The following APAF1 variants were observed in gnomAD, a reference collection of about 807,000 sequenced individuals.
APAF1 encodes the protein apoptotic protease-activating factor 1.
APAF1 carries 91 observed loss-of-function variants against 152.4 expected under a neutral mutation model. The ratio of observed to expected loss-of-function variants is 0.60; its 90% CI spans 0.50 to 0.71. The LOEUF (loss-of-function observed/expected upper bound fraction) is 0.71. APAF1 is among the 30% of genes least tolerant of loss of function. The probability of loss-of-function intolerance (pLI) is 0.00; values close to 1 mark genes in which losing one functional copy is unlikely to be tolerated. For synonymous variants in APAF1, 484 were observed against 494.1 expected, an observed-to-expected ratio of 0.98 and a Z score of 0.27; for missense variants, 1,283 against 1,472.0, an observed-to-expected ratio of 0.87 and a Z score of 2.10.
chr12:98,713,217 G>C (rs984071439), intron 21 of APAF1, among the ~76,000 whole-genome samples: 1 of 152,158 alleles, frequency 6.6e-6, no homozygotes, highest in East Asian at 1.9e-4. Context: ...ATATTTTTCA[G>C]ATTTCCTTTA....
At chr12:98,700,967 G>T (rs764788511) in intron 17 of APAF1, among the ~76,000 whole-genome samples, 43 of 151,460 alleles carry the variant, frequency 2.8e-4, no homozygotes, top group Admixed American at 3.9e-4. Flanking sequence ...ATATTCCATT[G>T]TATGTATATA....
At chr12:98,688,761 A>C (rs1337490433) in intron 16 of APAF1, among the ~76,000 whole-genome samples, 1 of 150,572 alleles carries the variant, frequency 6.6e-6, no homozygotes, top group Non-Finnish European at 1.5e-5. Flanking sequence ...AGCCTAGCCT[A>C]CCACTCTTTT....
rs368374940 is a variant in APAF1 at position 98,699,419 on chromosome 12, G to A, written c.2316G>A (p.Ala772=). Residue 772 remains alanine (A), a synonymous_variant, in exon 17 of 27, where the codon GCG becomes GCA. Coordinates refer to ENST00000551964, the MANE Select transcript of APAF1 (RefSeq NM_181861.2). ...ACTTTAATTCAAAGCTTTGGGATGC[G>A]ACATCAGCAAATGAGAGGAAAAGCA... is the stretch of plus-strand genomic sequence containing the variant. The part of the protein sequence containing the change: ...SADGTLKLWD[A]TSANERKSIN... 5.6e-6 allele frequency: 9 copies of A among 1,613,820 alleles called. No individual in the cohort carries two copies. The highest frequency in any genetic ancestry group is 1.6e-4 in the Middle Eastern group (1 of 6,084).
At chr12:98,676,022 C>T (rs1031187806) in intron 12 of APAF1, among the ~76,000 whole-genome samples, 1 of 152,124 alleles carries the variant, frequency 6.6e-6, no homozygotes, top group African/African-American at 2.4e-5. Context: ...TGCTCATTTA[C>T]ACACCTAATA....
At chr12:98,672,289 A>G (rs963599713) in intron 12 of APAF1, among the ~76,000 whole-genome samples, 4 of 151,372 alleles carry the variant, frequency 2.6e-5, no homozygotes, top group Non-Finnish European at 4.4e-5. Flanking sequence ...CTCAGCCTCC[A>G]AAGTAGCTGG....
chr12:98,651,342 T>A (rs2153306135), intron 4 of APAF1, among the ~76,000 whole-genome samples: 1 of 152,352 alleles, frequency 6.6e-6, no homozygotes, highest in Non-Finnish European at 1.5e-5. Context: ...TAAATGTCTG[T>A]GTAAAGTGTG....
chr12:98,694,316 A>G (rs6538879), intron 16 of APAF1, among the ~76,000 whole-genome samples: 37,125 of 152,102 alleles, frequency 0.24, 4,882 homozygotes, highest in African/African-American at 0.32. Flanking sequence ...AAAAGAAACT[A>G]TCAACAGAGT....
rs1443745864 is a variant in APAF1 at position 98,715,251 on chromosome 12, T to TG, written c.2959-176_2959-175insG. Among the ~76,000 whole-genome samples the TG allele has an allele frequency of 1.1e-4, 9 of 84,170 alleles. 1 individual carries two copies. Among genetic ancestry groups the TG allele is most frequent in the Admixed American group, 1.1e-3 (9 of 8,494 alleles). 55.2% of individuals were successfully genotyped at this position (84,170 alleles called of 152,430 possible). A position where few individuals can be genotyped will look rare whatever the true frequency, so the allele number is the denominator to read the frequency against. ...CATGGTGTGCATATATATATATATA[T>TG]ATATATATATATATATATATATATA... On this transcript the variant is annotated intron_variant, in intron 21 of 26. Transcript: ENST00000551964.
intron 22 of APAF1, 106 bp downstream of exon 22, chr12:98,715,658 C>T: frequency 7.6e-7 from 1 of 1,319,920 alleles, no homozygotes; most frequent in Non-Finnish European, 1.1e-6. Flanking sequence ...TTACGTTGGG[C>T]ATACATTCAG....
At chr12:98,731,205 TCA>T (rs1421452140) in intron 26 of APAF1, among the ~76,000 whole-genome samples, 1 of 152,238 alleles carries the variant, frequency 6.6e-6, no homozygotes, top group Admixed American at 6.5e-5. Flanking sequence ...CTAACTCATT[TCA>T]CAGATTTCCC....
chr12:98,721,757 G>T (rs2097743219), intron 22 of APAF1, among the ~76,000 whole-genome samples: 1 of 152,186 alleles, frequency 6.6e-6, no homozygotes. Context: ...AGATCTGAAA[G>T]CCAGGGCTTG....
chr12:98,694,914 GC>G (rs1466469601), intron 16 of APAF1, among the ~76,000 whole-genome samples: 2 of 146,604 alleles, frequency 1.4e-5, no homozygotes, highest in Non-Finnish European at 3.0e-5. Context: ...TTGGTGTGTT[GC>G]CCAGGCTGGA....
intron 9 of APAF1, 133 bp from the exon 10 acceptor site, chr12:98,667,380 T>G (rs2097674344): frequency 9.7e-7 from 1 of 1,028,970 alleles, no homozygotes. Context: ...CCTCCCAAAG[T>G]GCTGGGATTA....
chr12:98,683,577 GCT>G lies in APAF1; in HGVS notation c.2178+306_2178+307del, dbSNP rs2097694774. ...ACTTCCTCTGTGTTGGTTCAGGCAT[GCT>G]CTTTCTGTGGCAGAAAATGTGGCTA... On this transcript the variant is annotated intron_variant, in intron 15 of 26. Transcript: ENST00000551964. Among the ~76,000 whole-genome samples the G allele has an allele frequency of 2.0e-5, 3 of 152,166 alleles. No homozygotes were observed. The South Asian group carries it at 6.2e-4, about 32-fold the overall frequency.
At chr12:98,719,247 T>C (rs1042656865) in intron 22 of APAF1, among the ~76,000 whole-genome samples, 3 of 152,232 alleles carry the variant, frequency 2.0e-5, no homozygotes, top group Admixed American at 6.5e-5. Context: ...TTAATACTTA[T>C]ATTCTTAGCC....
At chr12:98,696,778 G>T (rs566075556) in intron 16 of APAF1, among the ~76,000 whole-genome samples, 3 of 152,280 alleles carry the variant, frequency 2.0e-5, no homozygotes, top group Admixed American at 2.0e-4. Context: ...TTACAGACAT[G>T]AGCCACTGCA....
intron 16 of APAF1, among the ~76,000 whole-genome samples, chr12:98,688,233 C>G (rs2097700077): frequency 6.6e-6 from 1 of 152,124 alleles, no homozygotes; most frequent in African/African-American, 2.4e-5. Context: ...CTTTATTATT[C>G]CTGTCTCTAT....
chr12:98,655,798 T>TC (rs1174977460), intron 4 of APAF1, among the ~76,000 whole-genome samples: 1 of 151,394 alleles, frequency 6.6e-6, no homozygotes, highest in African/African-American at 2.4e-5. Flanking sequence ...TTTTTTTTTT[T>TC]TTTGAGACAG....
At position 98,704,134 on chromosome 12, in the gene APAF1, T is replaced by G. The variant is rs972498999; in HGVS notation, c.2595+635T>G. On this transcript the variant is annotated intron_variant, in intron 18 of 26. Coordinates refer to ENST00000551964, the MANE Select transcript of APAF1 (RefSeq NM_181861.2). ...CAAAGATGGATTAGTGCTTTTTTTT[T>G]TTGTTTTTTAATAGAAATGGGGGTC... 3.3e-5 allele frequency among the ~76,000 whole-genome samples: 5 copies of G among 151,232 alleles called. No individual in the cohort carries two copies. The East Asian group carries it at 8.0e-4, about 24-fold the overall frequency.
Sources: allele counts gnomAD v4.1 joint callset (sites outside exome capture counted in the v4.1 genomes callset), GRCh38; gene constraint gnomAD v4.1.1; transcripts MANE v1.5; gene names NCBI Gene and HGNC (gene_info 2026-07-23, HGNC 2026-07-21).